Variants in CHRM3 observed in about 807,000 individuals in gnomAD.
CHRM3 encodes muscarinic acetylcholine receptor M3.
In CHRM3, 11 loss-of-function variants were observed where a neutral mutation model predicts 41.8. The ratio of observed to expected loss-of-function variants is 0.26; its 90% CI spans 0.17 to 0.44. The LOEUF (loss-of-function observed/expected upper bound fraction) is 0.44. Ranked by LOEUF, CHRM3 falls within the 20% of genes least tolerant of loss-of-function variation. CHRM3 has a pLI of 1.00. For missense variants in CHRM3, 571 were observed against 745.4 expected (o/e 0.77, Z 2.72); for synonymous variants, 297 against 301.4 (o/e 0.99, Z 0.15).
intron 1 of CHRM3, among the ~76,000 whole-genome samples, chr1:239,390,037 C>A (rs1157968423): frequency 6.6e-6 from 1 of 152,120 alleles, no homozygotes; most frequent in Non-Finnish European, 1.5e-5. Context: ...TGACTAATAG[C>A]ATTATTCTCA....
chr1:239,533,671 C>T (rs962157396), intron 2 of CHRM3, among the ~76,000 whole-genome samples: 4 of 138,334 alleles, frequency 2.9e-5, no homozygotes, highest in Non-Finnish European at 4.6e-5. Context: ...GCAGAGGCTT[C>T]AGTGAGCCGA....
intron 1 of CHRM3, among the ~76,000 whole-genome samples, chr1:239,446,106 T>G (rs995901650): frequency 2.0e-5 from 3 of 152,080 alleles, no homozygotes; most frequent in African/African-American, 7.2e-5. Context: ...CCGGCTAATT[T>G]TTGTATTTTT....
At chr1:239,522,380 A>G (rs1669709440) in intron 2 of CHRM3, among the ~76,000 whole-genome samples, 1 of 152,356 alleles carries the variant, frequency 6.6e-6, no homozygotes, top group East Asian at 1.9e-4. Context: ...CTGGGGCCAG[A>G]GTCCCACCCA....
At chr1:239,577,443 T>G (rs1403450724) in intron 3 of CHRM3, among the ~76,000 whole-genome samples, 1 of 152,184 alleles carries the variant, frequency 6.6e-6, no homozygotes, top group Non-Finnish European at 1.5e-5. Context: ...TTCTCATATC[T>G]GAGACAAGAA....
intron 3 of CHRM3, among the ~76,000 whole-genome samples, chr1:239,614,038 T>G (rs1235940491): frequency 1.3e-5 from 2 of 152,052 alleles, no homozygotes; most frequent in Non-Finnish European, 2.9e-5. Flanking sequence ...GTGGTGGTGT[T>G]TACCTGCAGC....
intron 5 of CHRM3, among the ~76,000 whole-genome samples, chr1:239,815,850 G>A (rs1291769117): frequency 6.6e-6 from 1 of 152,146 alleles, no homozygotes; most frequent in Non-Finnish European, 1.5e-5. Flanking sequence ...TCTTTAAACT[G>A]CACTCTTAAT....
At chr1:239,786,019 C>G (rs1464840077) in intron 5 of CHRM3, among the ~76,000 whole-genome samples, 4 of 152,116 alleles carry the variant, frequency 2.6e-5, no homozygotes, top group African/African-American at 9.7e-5. Flanking sequence ...ATTGATCAGT[C>G]TAATATTTTA....
intron 3 of CHRM3, among the ~76,000 whole-genome samples, chr1:239,595,091 A>G (rs985696228): frequency 6.6e-6 from 1 of 152,200 alleles, no homozygotes. Context: ...CTCTGTCTCA[A>G]AAAGAAAAAC....
intron 2 of CHRM3, among the ~76,000 whole-genome samples, chr1:239,520,077 T>A (rs910295934): frequency 3.3e-5 from 5 of 152,200 alleles, no homozygotes; most frequent in African/African-American, 1.2e-4. Flanking sequence ...TTGTCTCATA[T>A]ACCAAATACC....
intron 5 of CHRM3, among the ~76,000 whole-genome samples, chr1:239,696,216 G>A (rs1329618533): frequency 6.6e-6 from 1 of 152,102 alleles, no homozygotes; most frequent in African/African-American, 2.4e-5. Flanking sequence ...GGCTTGTCAG[G>A]ATATCTTATA....
At chr1:239,404,414 GA>G (rs1558195783) in intron 1 of CHRM3, among the ~76,000 whole-genome samples, 1 of 51,194 alleles carries the variant, frequency 2.0e-5, no homozygotes, top group Non-Finnish European at 3.8e-5. Flanking sequence ...GAAAGAAAAA[GA>G]AAGAAAGAAA....
chr1:239,509,159 A>T, intron 2 of CHRM3, among the ~76,000 whole-genome samples: 1 of 152,196 alleles, frequency 6.6e-6, no homozygotes, highest in East Asian at 1.9e-4. Flanking sequence ...TACTTTCTTG[A>T]TTTAGCTAAA....
chr1:239,489,601 A>G (rs965032513), intron 1 of CHRM3, among the ~76,000 whole-genome samples: 8 of 152,138 alleles, frequency 5.3e-5, no homozygotes, highest in African/African-American at 1.7e-4. Context: ...CTGATCATCT[A>G]TTTATATCAG....
chr1:239,738,099 A>G (rs561777738), intron 5 of CHRM3, among the ~76,000 whole-genome samples: 1 of 152,316 alleles, frequency 6.6e-6, no homozygotes, highest in South Asian at 2.1e-4. Context: ...TAAGAGAACA[A>G]CTTTAAAAAC....
At chr1:239,808,572 A>T (rs1670850531) in intron 5 of CHRM3, among the ~76,000 whole-genome samples, 1 of 152,184 alleles carries the variant, frequency 6.6e-6, no homozygotes, top group Non-Finnish European at 1.5e-5. Flanking sequence ...TTTGCCACCT[A>T]AAATGCCTAG....
chr1:239,515,271 G>A lies in CHRM3; in HGVS notation c.-422+22464G>A, dbSNP rs1022888509. ...CTAAAAATGCATGGGGACTGCATGT[G>A]GCTTATAAATGTTATATTTACCTTA... On this transcript the variant is annotated intron_variant, in intron 2 of 6. Coordinates refer to ENST00000676153, the MANE Select transcript of CHRM3 (RefSeq NM_001375978.1). Among the ~76,000 whole-genome samples, 3 of 150,780 alleles carry A rather than the reference G, an allele frequency of 2.0e-5. No individual in the cohort carries two copies. The South Asian group carries it at 6.3e-4, about 32-fold the overall frequency.
At chr1:239,482,988 C>T (rs1666957588) in intron 1 of CHRM3, among the ~76,000 whole-genome samples, 1 of 152,168 alleles carries the variant, frequency 6.6e-6, no homozygotes, top group Non-Finnish European at 1.5e-5. Flanking sequence ...GTGCTATTCG[C>T]TTCTGATTTC....
intron 6 of CHRM3, among the ~76,000 whole-genome samples, chr1:239,831,892 T>C (rs532847277): frequency 6.6e-6 from 1 of 152,328 alleles, no homozygotes; most frequent in East Asian, 1.9e-4. Context: ...AGTTAGAAAT[T>C]ATTATTTTCC....
chr1:239,622,228 T>C (rs1369658310), intron 3 of CHRM3, among the ~76,000 whole-genome samples: 1 of 152,174 alleles, frequency 6.6e-6, no homozygotes, highest in African/African-American at 2.4e-5. Context: ...ATAGCTCTCA[T>C]TTGGGTGTAC....
Sources: allele counts gnomAD v4.1 joint callset (sites outside exome capture counted in the v4.1 genomes callset), GRCh38; gene constraint gnomAD v4.1.1; transcripts MANE v1.5; gene names NCBI Gene and HGNC (gene_info 2026-07-23, HGNC 2026-07-21).